The following LOC400499 variants were observed in gnomAD, a reference collection of about 807,000 sequenced individuals.
chr16:11,420,391 C>T, the LOC400499 span, among the ~76,000 whole-genome samples: 89 of 133,532 alleles, frequency 6.7e-4, 1 homozygote, highest in African/African-American at 2.6e-3. Flanking sequence ...GGGAATTGAA[C>T]AATGAGAACA....
chr16:11,427,022 T>G, the LOC400499 span, among the ~76,000 whole-genome samples: 4 of 151,290 alleles, frequency 2.6e-5, no homozygotes, highest in African/African-American at 7.3e-5. Context: ...AAAATTCATG[T>G]GACCTGTCTC....
At chr16:11,444,941 C>T in the LOC400499 span, among the ~76,000 whole-genome samples, 1 of 151,944 alleles carries the variant, frequency 6.6e-6, no homozygotes, top group Admixed American at 6.6e-5. Flanking sequence ...TAAAAAATAA[C>T]CAGGTGTGGT....
At chr16:11,496,547 C>G in the LOC400499 span, among the ~76,000 whole-genome samples, 4 of 152,080 alleles carry the variant, frequency 2.6e-5, no homozygotes, top group Non-Finnish European at 4.4e-5. Flanking sequence ...GTGCAGGTGT[C>G]TCAGCGCACT....
At chr16:11,478,313 C>A in the LOC400499 span, among the ~76,000 whole-genome samples, 5 of 152,052 alleles carry the variant, frequency 3.3e-5, no homozygotes, top group South Asian at 4.1e-4. Context: ...CAGGCGTGAG[C>A]CACTTCGCCG....
chr16:11,422,129 C>G, the LOC400499 span, among the ~76,000 whole-genome samples: 1 of 152,214 alleles, frequency 6.6e-6, no homozygotes, highest in African/African-American at 2.4e-5. Context: ...AGGCTGGGTA[C>G]ATGGCCCATG....
chr16:11,390,093 ACC>A, the LOC400499 span: 1 of 1,231,730 alleles, frequency 8.1e-7, no homozygotes, highest in Non-Finnish European at 1.0e-6. Context: ...CTACTCTCAA[ACC>A]CCGAGTTACC....
chr16:11,458,709 G>A, the LOC400499 span, among the ~76,000 whole-genome samples: 1 of 152,090 alleles, frequency 6.6e-6, no homozygotes, highest in East Asian at 1.9e-4. Flanking sequence ...GAATGTAAAT[G>A]CATGTAATGC....
chr16:11,450,394 G>C, the LOC400499 span, among the ~76,000 whole-genome samples: 1 of 152,204 alleles, frequency 6.6e-6, no homozygotes, highest in East Asian at 1.9e-4. Flanking sequence ...TGCCGAGCAG[G>C]GATGTGGGAA....
At chr16:11,435,054 G>A in the LOC400499 span, among the ~76,000 whole-genome samples, 4 of 152,106 alleles carry the variant, frequency 2.6e-5, no homozygotes, top group Non-Finnish European at 5.9e-5. Flanking sequence ...CTTACAGCTC[G>A]CTGCAGCCTC....
chr16:11,378,554 C>T, the LOC400499 span, among the ~76,000 whole-genome samples: 1 of 152,212 alleles, frequency 6.6e-6, no homozygotes, highest in Non-Finnish European at 1.5e-5. Context: ...GGAGCCACTG[C>T]ACCCAGCCAG....
the LOC400499 span, chr16:11,459,896 C>T: frequency 2.1e-6 from 3 of 1,395,706 alleles, no homozygotes; most frequent in South Asian, 5.2e-5. Flanking sequence ...CCAGGCTCAC[C>T]TCCATGAAGT....
chr16:11,469,197 T>A, the LOC400499 span: 2 of 399,538 alleles, frequency 5.0e-6, no homozygotes, highest in Admixed American at 4.4e-5. Flanking sequence ...GACGTCCCTG[T>A]CATCCAGCAC....
At chr16:11,390,650 G>A in the LOC400499 span, among the ~76,000 whole-genome samples, 16 of 152,328 alleles carry the variant, frequency 1.1e-4, no homozygotes, top group East Asian at 3.9e-4. Context: ...GGCCTGAGCC[G>A]TCTCTGCAAG....
At chr16:11,489,973 G>A in the LOC400499 span, among the ~76,000 whole-genome samples, 1 of 152,204 alleles carries the variant, frequency 6.6e-6, no homozygotes, top group Non-Finnish European at 1.5e-5. Flanking sequence ...ACAGCCTAAA[G>A]GCCTATCAGT....
the LOC400499 span, among the ~76,000 whole-genome samples, chr16:11,523,984 A>C: frequency 2.1e-5 from 2 of 97,476 alleles, no homozygotes; most frequent in South Asian, 8.2e-4. Flanking sequence ...CTATCCATCT[A>C]TCTGCCCACT....
the LOC400499 span, among the ~76,000 whole-genome samples, chr16:11,483,320 AC>A: frequency 3.3e-5 from 5 of 152,352 alleles, no homozygotes; most frequent in East Asian, 9.6e-4. Context: ...TTCAAGAGAA[AC>A]AAAAGCATAT....
At chr16:11,501,382 G>A in the LOC400499 span, among the ~76,000 whole-genome samples, 1 of 152,026 alleles carries the variant, frequency 6.6e-6, no homozygotes, top group Non-Finnish European at 1.5e-5. Flanking sequence ...TTGTGAGTTA[G>A]GGTCTCACTC....
the LOC400499 span, chr16:11,446,691 C>A: frequency 2.0e-6 from 3 of 1,532,522 alleles, no homozygotes; most frequent in Non-Finnish European, 2.6e-6. Flanking sequence ...GAGGAGGCAG[C>A]TGGGGCCTTC....
chr16:11,378,511 A>C, the LOC400499 span, among the ~76,000 whole-genome samples: 1 of 152,010 alleles, frequency 6.6e-6, no homozygotes, highest in African/African-American at 2.4e-5. Flanking sequence ...TGATTTGCCC[A>C]CCTCGGCCTC....
Sources: allele counts gnomAD v4.1 joint callset (sites outside exome capture counted in the v4.1 genomes callset), GRCh38; gene constraint gnomAD v4.1.1; transcripts MANE v1.5.